Variants in ERI3 observed in about 807,000 individuals in gnomAD.
The protein encoded by ERI3 is ERI1 exoribonuclease 3.
A neutral mutation model predicts 44.4 loss-of-function variants in ERI3; 18 were observed. The ratio of observed to expected loss-of-function variants is 0.41; its 90% CI spans 0.28 to 0.60. The LOEUF (loss-of-function observed/expected upper bound fraction) is 0.60, where lower values mean the gene tolerates loss of function less well. ERI3 is among the 20% of genes least tolerant of loss of function. The probability of loss-of-function intolerance (pLI) is 0.36; values close to 1 mark genes in which losing one functional copy is unlikely to be tolerated. For missense variants in ERI3, 294 were observed against 435.5 expected (o/e 0.68, Z 2.89); for synonymous variants, 183 against 164.8 (o/e 1.11, Z -0.84).
At chr1:44,287,400 A>G (rs569406250) in intron 6 of ERI3, among the ~76,000 whole-genome samples, 1 of 152,366 alleles carries the variant, frequency 6.6e-6, no homozygotes, top group African/African-American at 2.4e-5. Flanking sequence ...TACCCTTCAA[A>G]TATTTGACAG....
chr1:44,322,902 G>T, intron 3 of ERI3: 1 of 1,529,890 alleles, frequency 6.5e-7, no homozygotes, highest in East Asian at 2.5e-5. Flanking sequence ...GATCAGAGAT[G>T]GAACCCCAAC....
chr1:44,269,450 A>AC (rs1391620509), intron 7 of ERI3, among the ~76,000 whole-genome samples: 8 of 152,148 alleles, frequency 5.3e-5, no homozygotes, highest in Non-Finnish European at 8.8e-5. Context: ...TGGCACATTC[A>AC]CCCACATTCC....
At chr1:44,280,551 G>A (rs1233097106) in intron 7 of ERI3, among the ~76,000 whole-genome samples, 1 of 152,046 alleles carries the variant, frequency 6.6e-6, no homozygotes, top group Non-Finnish European at 1.5e-5. Flanking sequence ...ACTCGGAGAG[G>A]GTCACTATTG....
chr1:44,353,687 T>C lies in ERI3; in HGVS notation c.136-762A>G, dbSNP rs952852775. On this transcript the variant is annotated intron_variant, in intron 1 of 8. Coordinates refer to ENST00000372257, the MANE Select transcript of ERI3 (RefSeq NM_024066.3). The stretch of plus-strand genomic sequence containing the variant: ...GAATAAAAGCACTTTTATTTGGAAA[T>C]TTCAAGTTGGAAGAAAAGCTCTTAG... 5 of 985,336 alleles carry C rather than the reference T, an allele frequency of 5.1e-6. No homozygotes were observed. In the African/African-American group the frequency reaches 8.7e-5, roughly 17 times the overall value. 61.0% of individuals were successfully genotyped at this position (985,336 alleles called of 1,614,324 possible).
At chr1:44,307,870 C>T (rs1645873021) in intron 6 of ERI3, among the ~76,000 whole-genome samples, 1 of 152,194 alleles carries the variant, frequency 6.6e-6, no homozygotes, top group Non-Finnish European at 1.5e-5. Context: ...ATTACTTAAC[C>T]TTTCTGTACC....
intron 2 of ERI3, among the ~76,000 whole-genome samples, chr1:44,342,508 T>G (rs1003137595): frequency 6.6e-6 from 1 of 151,890 alleles, no homozygotes; most frequent in Non-Finnish European, 1.5e-5. Flanking sequence ...GGTTTCTGAT[T>G]AGATGTGTAT....
intron 7 of ERI3, among the ~76,000 whole-genome samples, chr1:44,283,563 T>C (rs1173830149): frequency 6.6e-6 from 1 of 152,030 alleles, no homozygotes; most frequent in Non-Finnish European, 1.5e-5. Flanking sequence ...GCCAGGGGAG[T>C]GCGTAGCTTT....
At chr1:44,293,270 T>C (rs1289810661) in intron 6 of ERI3, among the ~76,000 whole-genome samples, 1 of 152,244 alleles carries the variant, frequency 6.6e-6, no homozygotes, top group Non-Finnish European at 1.5e-5. Context: ...AGCATGATGC[T>C]GGAGGGAGCT....
intron 2 of ERI3, among the ~76,000 whole-genome samples, chr1:44,342,826 TATATATATATATATATATATATATATATA>T (rs1646688762): frequency 1.7e-4 from 3 of 17,298 alleles, no homozygotes; most frequent in African/African-American, 7.8e-4. Context: ...TATATATATA[TATATATATATATATATATATATATATATA>T]TATTTTTTTT....
At chr1:44,284,981 CCAACAGAGCATACAAGA>C (rs1456586519) in intron 6 of ERI3, 74 bp from the exon 7 acceptor site, 2 of 1,265,844 alleles carry the variant, frequency 1.6e-6, no homozygotes, top group African/African-American at 1.5e-5. Context: ...GATGGGAAGT[CCAACAGAGCATACAAGA>C]CAAACAGACC....
chr1:44,304,529 C>A (rs535229405), intron 6 of ERI3, among the ~76,000 whole-genome samples: 2 of 152,118 alleles, frequency 1.3e-5, no homozygotes, highest in Non-Finnish European at 2.9e-5. Flanking sequence ...GGACTCAGCC[C>A]GACCCGCAGC....
At chr1:44,233,778 T>C (rs758832143) in intron 8 of ERI3, among the ~76,000 whole-genome samples, 5 of 152,220 alleles carry the variant, frequency 3.3e-5, no homozygotes, top group Non-Finnish European at 7.3e-5. Context: ...AGTCTCCCTT[T>C]AACTCCCTTT....
rs192784268 is a variant in ERI3, at chr1:44,325,057, C to A, written c.490-5313G>T. On this transcript the variant is annotated intron_variant, in intron 3 of 8. Transcript: ENST00000372257. ...ATCTACCTTGTAAAATGGGTTGGAGCAGAGATTTTAAACACAGCTTTTTTT... is the reference window on the plus strand; with the variant it reads ...ATCTACCTTGTAAAATGGGTTGGAGAAGAGATTTTAAACACAGCTTTTTTT... Among the ~76,000 whole-genome samples the A allele has an allele frequency of 5.9e-3, 865 of 147,430 alleles. 3 individuals carry two copies. Among genetic ancestry groups the A allele is most frequent in the Non-Finnish European group, 8.1e-3 (545 of 67,498 alleles).
chr1:44,302,857 G>A (rs1014118794), intron 6 of ERI3, among the ~76,000 whole-genome samples: 1 of 151,916 alleles, frequency 6.6e-6, no homozygotes, highest in Non-Finnish European at 1.5e-5. Context: ...GAATGCTCAG[G>A]TTCAAATCCC....
At chr1:44,310,963 GCACACACACACA>G (rs58344074) in intron 5 of ERI3, among the ~76,000 whole-genome samples, 2,745 of 123,268 alleles carry the variant, frequency 0.022, 107 homozygotes, top group African/African-American at 0.031. Context: ...GCGCGCGCGC[GCACACACACACA>G]CACACACACA....
intron 6 of ERI3, among the ~76,000 whole-genome samples, chr1:44,290,804 G>T (rs150730437): frequency 1.0e-3 from 158 of 152,236 alleles, no homozygotes; most frequent in African/African-American, 3.7e-3. Context: ...CTGGAATTTG[G>T]TTATCAGGAA....
rs533449140 is a variant in ERI3 at position 44,307,422 on chromosome 1, C to G, written c.758+888G>C. On this transcript the variant is annotated intron_variant, in intron 6 of 8. Coordinates refer to ENST00000372257, the MANE Select transcript of ERI3 (RefSeq NM_024066.3). ...AAAAGTTCAAACACACACACACAAA[C>G]ACACACACACAGAGACACACACACG... Among the ~76,000 whole-genome samples, 25 of 152,102 alleles carry G rather than the reference C, an allele frequency of 1.6e-4. 1 individual carries two copies. Among genetic ancestry groups the G allele is most frequent in the Middle Eastern group, 6.8e-3 (2 of 294 alleles).
Position 44,221,513 on chromosome 1 carries a change from G to T in ERI3, c.*45C>A. The stretch of plus-strand genomic sequence containing the variant: ...GTGAGGGAGAGGAGGATTCTGGGCT[G>T]GGCCAAACAGCTACCCTGTCCTGCC... On this transcript the variant is annotated 3_prime_UTR_variant, in exon 9 of 9. Coordinates refer to ENST00000372257, the MANE Select transcript of ERI3 (RefSeq NM_024066.3). The surrounding 1 kb of genome is among the most constrained non-coding windows in gnomAD (Gnocchi z 5.9). 2 of 1,510,828 alleles carry T rather than the reference G, an allele frequency of 1.3e-6. No homozygotes were observed. Among genetic ancestry groups the T allele is most frequent in the Non-Finnish European group, 1.8e-6 (2 of 1,086,718 alleles). 93.6% of individuals were successfully genotyped at this position (1,510,828 alleles called of 1,614,324 possible). A position where few individuals can be genotyped will look rare whatever the true frequency, so the allele number is the denominator to read the frequency against.
At chr1:44,315,091 A>G (rs963175191) in intron 4 of ERI3, among the ~76,000 whole-genome samples, 3 of 152,210 alleles carry the variant, frequency 2.0e-5, no homozygotes, top group African/African-American at 7.2e-5. Flanking sequence ...TCAGGCCTGG[A>G]GCTGAGGCTC....
Sources: allele counts gnomAD v4.1 joint callset (sites outside exome capture counted in the v4.1 genomes callset), GRCh38; gene constraint gnomAD v4.1.1; non-coding constraint Gnocchi (gnomAD v3.1); transcripts MANE v1.5; gene names NCBI Gene and HGNC (gene_info 2026-07-23, HGNC 2026-07-21).